Variants in ARHGAP22 observed in about 807,000 individuals in gnomAD.
The protein encoded by ARHGAP22 is rho GTPase-activating protein 22.
A neutral mutation model predicts 59.1 loss-of-function variants in ARHGAP22; 48 were observed. The ratio of observed to expected loss-of-function variants is 0.81; its 90% CI spans 0.64 to 1.03. ARHGAP22 has a LOEUF of 1.03. ARHGAP22 is among the 50% of genes least tolerant of loss of function. The pLI, the probability that ARHGAP22 is intolerant of heterozygous loss-of-function variation, is 0.00. For missense variants in ARHGAP22, 1,015 were observed against 958.7 expected, an observed-to-expected ratio of 1.06 and a Z score of -0.78; for synonymous variants, 445 against 416.4, an observed-to-expected ratio of 1.07 and a Z score of -0.84.
chr10:48,560,079 G>T (rs1442218995), intron 2 of ARHGAP22, among the ~76,000 whole-genome samples: 1 of 152,162 alleles, frequency 6.6e-6, no homozygotes, highest in African/African-American at 2.4e-5. Context: ...TTTAATTAAG[G>T]TTGCAGATAG....
chr10:48,434,373 A>G, the ARHGAP22 span, among the ~76,000 whole-genome samples: 1 of 152,224 alleles, frequency 6.6e-6, no homozygotes, highest in East Asian at 1.9e-4. Context: ...CTTTAAAACA[A>G]GATGTGCCAG....
downstream of ARHGAP22, among the ~76,000 whole-genome samples, chr10:48,442,291 G>A (rs1347575260): frequency 3.9e-5 from 6 of 152,226 alleles, no homozygotes; most frequent in East Asian, 1.9e-4. Context: ...AGGATTTGGC[G>A]TGTGCATGCA....
chr10:48,612,350 A>G (rs889859220), intron 1 of ARHGAP22, among the ~76,000 whole-genome samples: 2 of 152,314 alleles, frequency 1.3e-5, no homozygotes, highest in East Asian at 3.9e-4. Context: ...CGGAAGCTAC[A>G]AGAATGGATC....
upstream of ARHGAP22, among the ~76,000 whole-genome samples, chr10:48,607,534 T>C (rs556436396): frequency 6.6e-6 from 1 of 152,266 alleles, no homozygotes; most frequent in South Asian, 2.1e-4. Flanking sequence ...CCTGGGAGCC[T>C]CCCACTTCCT....
intron 5 of ARHGAP22, 136 bp from the exon 6 acceptor site, chr10:48,455,270 G>GCCC: frequency 1.9e-6 from 2 of 1,076,196 alleles, no homozygotes; most frequent in Non-Finnish European, 2.5e-6. Context: ...TGCATCTGCG[G>GCCC]CCAGCTGCCC....
At chr10:48,578,264 G>T (rs1459623316) in intron 2 of ARHGAP22, among the ~76,000 whole-genome samples, 1 of 152,108 alleles carries the variant, frequency 6.6e-6, no homozygotes, top group African/African-American at 2.4e-5. Flanking sequence ...CCTTTGTGCT[G>T]GTTTGGGATT....
intron 3 of ARHGAP22, among the ~76,000 whole-genome samples, chr10:48,491,669 G>C (rs537865503): frequency 3.2e-4 from 48 of 152,376 alleles, no homozygotes; most frequent in African/African-American, 1.1e-3. Flanking sequence ...CAGAACAAAG[G>C]AGACTGGCAC....
At chr10:48,555,645 G>T (rs1838568) in intron 2 of ARHGAP22, 95 bp from the exon 3 acceptor site, 20 of 1,224,576 alleles carry the variant, frequency 1.6e-5, no homozygotes, top group Admixed American at 7.4e-5. Flanking sequence ...TTAGGACCTG[G>T]GGCCCTCCAG....
intron 3 of ARHGAP22, among the ~76,000 whole-genome samples, chr10:48,502,009 A>C (rs1162771556): frequency 2.0e-5 from 3 of 152,180 alleles, no homozygotes; most frequent in African/African-American, 7.2e-5. Flanking sequence ...TCTTGATTGA[A>C]GATTGTGTTT....
chr10:48,614,200 G>A (rs760345496), intron 1 of ARHGAP22, among the ~76,000 whole-genome samples: 3 of 152,234 alleles, frequency 2.0e-5, no homozygotes, highest in Non-Finnish European at 4.4e-5. Flanking sequence ...GGGGAATATG[G>A]TATCATAAAA....
downstream of ARHGAP22, among the ~76,000 whole-genome samples, chr10:48,441,620 T>G (rs972114186): frequency 2.0e-5 from 3 of 151,764 alleles, no homozygotes; most frequent in Non-Finnish European, 2.9e-5. Context: ...CCCGGCTAAT[T>G]TTTTTGTATT....
intron 2 of ARHGAP22, among the ~76,000 whole-genome samples, chr10:48,556,940 G>A (rs1190518712): frequency 6.6e-6 from 1 of 152,148 alleles, no homozygotes; most frequent in East Asian, 1.9e-4. Flanking sequence ...GCTTTCACAG[G>A]GTGATGGGAG....
chr10:48,602,158 T>C (rs572359019), intron 1 of ARHGAP22, among the ~76,000 whole-genome samples: 1 of 152,342 alleles, frequency 6.6e-6, no homozygotes, highest in Admixed American at 6.5e-5. Context: ...TGGTTTACTT[T>C]CTTGTGGGAC....
At chr10:48,497,906 C>A (rs749785655) in intron 3 of ARHGAP22, among the ~76,000 whole-genome samples, 4 of 152,160 alleles carry the variant, frequency 2.6e-5, no homozygotes, top group Non-Finnish European at 5.9e-5. Flanking sequence ...CCAGGGTCCT[C>A]CCAGCAGGCC....
At chr10:48,475,461 T>C (rs1215080100) in intron 4 of ARHGAP22, among the ~76,000 whole-genome samples, 1 of 152,022 alleles carries the variant, frequency 6.6e-6, no homozygotes, top group Non-Finnish European at 1.5e-5. Flanking sequence ...GAGCATCTTA[T>C]AGGTATCTCA....
chr10:48,517,970 G>A (rs1254750802), intron 3 of ARHGAP22, among the ~76,000 whole-genome samples: 2 of 152,212 alleles, frequency 1.3e-5, no homozygotes, highest in East Asian at 3.8e-4. Context: ...CCCCATTGCA[G>A]GTGGGAGGGC....
At chr10:48,430,984 CT>C in the ARHGAP22 span, 212 of 581,996 alleles carry the variant, frequency 3.6e-4, no homozygotes, top group African/African-American at 3.6e-3. Context: ...AAGATTAGTA[CT>C]TCCTTTTAAT....
intron 1 of ARHGAP22, among the ~76,000 whole-genome samples, chr10:48,603,088 C>T (rs1430366631): frequency 1.3e-5 from 2 of 152,214 alleles, no homozygotes; most frequent in Non-Finnish European, 2.9e-5. Flanking sequence ...GGCTGTATGG[C>T]TGGCCTATAC....
At chr10:48,441,899 G>A (rs1402200594), downstream of ARHGAP22, among the ~76,000 whole-genome samples, 6 of 152,184 alleles carry the variant, frequency 3.9e-5, no homozygotes, top group Non-Finnish European at 7.3e-5. Context: ...ACTGTTACTT[G>A]ACAGCATCCT....
Sources: allele counts gnomAD v4.1 joint callset (sites outside exome capture counted in the v4.1 genomes callset), GRCh38; gene constraint gnomAD v4.1.1; transcripts MANE v1.5; gene names NCBI Gene and HGNC (gene_info 2026-07-23, HGNC 2026-07-21).